NRG1: variants seen among roughly 807,000 people sequenced by gnomAD.
NRG1 encodes neuregulin 1.
In NRG1, 18 loss-of-function variants were observed where a neutral mutation model predicts 63.8. The ratio of observed to expected loss-of-function variants is 0.28; its 90% CI spans 0.19 to 0.42. NRG1 has a LOEUF of 0.42. NRG1 is among the 10% of genes least tolerant of loss of function. NRG1 has a pLI of 1.00. For synonymous variants in NRG1, 302 were observed against 301.3 expected (o/e 1.00, Z -0.02); for missense variants, 762 against 814.7 (o/e 0.94, Z 0.79).
chr8:32,388,190 A>G (rs1811261940), intron 1 of NRG1, among the ~76,000 whole-genome samples: 1 of 152,214 alleles, frequency 6.6e-6, no homozygotes, highest in South Asian at 2.1e-4. Context: ...ATTACCCCTT[A>G]TAGTAAGTTG....
At chr8:31,916,979 G>GT (rs1310061433) in intron 1 of NRG1, among the ~76,000 whole-genome samples, 3 of 151,916 alleles carry the variant, frequency 2.0e-5, no homozygotes, top group Non-Finnish European at 4.4e-5. Context: ...TTTTTCATGT[G>GT]TTTTTTGGCT....
intron 1 of NRG1, among the ~76,000 whole-genome samples, chr8:31,838,926 CTAGT>C (rs1825931681): frequency 6.6e-6 from 1 of 152,132 alleles, no homozygotes; most frequent in Non-Finnish European, 1.5e-5. Context: ...TCCTCCAGAA[CTAGT>C]TAAACTAGAG....
At chr8:32,042,171 A>G (rs561662411) in intron 1 of NRG1, among the ~76,000 whole-genome samples, 26 of 152,298 alleles carry the variant, frequency 1.7e-4, no homozygotes, top group African/African-American at 6.3e-4. Context: ...GAGACTGAGC[A>G]TGGTAGCTCA....
At chr8:31,770,792 T>C (rs1008905727) in intron 1 of NRG1, among the ~76,000 whole-genome samples, 2 of 145,848 alleles carry the variant, frequency 1.4e-5, no homozygotes, top group African/African-American at 5.0e-5. Flanking sequence ...TATATATATA[T>C]ATATACATAT....
At chr8:31,889,976 C>T (rs1272507922) in intron 1 of NRG1, among the ~76,000 whole-genome samples, 1 of 152,146 alleles carries the variant, frequency 6.6e-6, no homozygotes, top group Non-Finnish European at 1.5e-5. Flanking sequence ...AAAAGGGAAA[C>T]AGCCATGAGA....
At chr8:32,336,131 A>G (rs964928833) in intron 1 of NRG1, among the ~76,000 whole-genome samples, 19 of 152,258 alleles carry the variant, frequency 1.2e-4, no homozygotes, top group African/African-American at 4.3e-4. Flanking sequence ...CAACAAGCCT[A>G]TGAATGGGAT....
intron 1 of NRG1, among the ~76,000 whole-genome samples, chr8:32,346,734 A>T (rs1804948023): frequency 6.6e-6 from 1 of 152,058 alleles, no homozygotes; most frequent in South Asian, 2.1e-4. Flanking sequence ...TAGTTGGTAC[A>T]TATCTTTGGG....
At chr8:32,405,470 T>C (rs143314260) in intron 1 of NRG1, among the ~76,000 whole-genome samples, 1 of 152,220 alleles carries the variant, frequency 6.6e-6, no homozygotes, top group African/African-American at 2.4e-5. Flanking sequence ...ATATCTGTTA[T>C]ATACATAGAT....
intron 1 of NRG1, among the ~76,000 whole-genome samples, chr8:32,426,986 T>C (rs1378692621): frequency 6.6e-6 from 1 of 151,950 alleles, no homozygotes; most frequent in Non-Finnish European, 1.5e-5. Flanking sequence ...TATCCACTTG[T>C]CCTTTTTTTT....
chr8:32,241,930 T>G (rs1339715031), intron 1 of NRG1, among the ~76,000 whole-genome samples: 6 of 151,978 alleles, frequency 3.9e-5, no homozygotes, highest in Admixed American at 3.3e-4. Context: ...TTTTTAAAAT[T>G]TTTTGTAGAG....
chr8:31,778,743 C>T (rs1478399430), intron 1 of NRG1, among the ~76,000 whole-genome samples: 2 of 152,204 alleles, frequency 1.3e-5, no homozygotes, highest in African/African-American at 4.8e-5. Context: ...CACTGCTATG[C>T]TGAAGTGCAT....
chr8:32,541,914 CTA>C (rs754509635), intron 1 of NRG1, among the ~76,000 whole-genome samples: 3 of 152,112 alleles, frequency 2.0e-5, no homozygotes, highest in Non-Finnish European at 4.4e-5. Flanking sequence ...TGAAATGACT[CTA>C]TGGGGATTTA....
intron 1 of NRG1, among the ~76,000 whole-genome samples, chr8:31,921,001 A>G (rs1396090972): frequency 1.3e-5 from 2 of 152,186 alleles, no homozygotes; most frequent in African/African-American, 4.8e-5. Context: ...GCTTTTATAC[A>G]TAGTAAAAGC....
At chr8:32,490,029 C>T (rs1451926179) in intron 1 of NRG1, among the ~76,000 whole-genome samples, 1 of 152,194 alleles carries the variant, frequency 6.6e-6, no homozygotes, top group Admixed American at 6.5e-5. Context: ...ATTCTTGCAG[C>T]TGGATGTGGT....
Position 32,159,557 on chromosome 8 carries a change from A to G in NRG1, c.38-436271A>G, listed in dbSNP as rs559280536. 4.0e-5 allele frequency among the ~76,000 whole-genome samples: 6 copies of G among 151,788 alleles called. No individual in the cohort carries two copies. The South Asian group carries it at 1.2e-3, about 32-fold the overall frequency. ...CTCCGTCTCAAAAAAAAAAAAAAAA[A>G]AGAAAAAGGCTTTATGTGGCTGTTG... On this transcript the variant is annotated intron_variant, in intron 1 of 10. Coordinates refer to the NRG1 transcript ENST00000519301.
At chr8:32,437,301 G>GT (rs926350889) in intron 1 of NRG1, among the ~76,000 whole-genome samples, 15 of 151,552 alleles carry the variant, frequency 9.9e-5, no homozygotes, top group South Asian at 2.1e-4. Context: ...CTCCTTTAGT[G>GT]TTTTTTTTGT....
chr8:32,639,387 C>A (rs2129545425), intron 5 of NRG1, among the ~76,000 whole-genome samples: 1 of 152,190 alleles, frequency 6.6e-6, no homozygotes, highest in South Asian at 2.1e-4. Flanking sequence ...GCCTAAGCGA[C>A]AGAGCAAGAT....
chr8:32,587,473 T>A (rs553339685), intron 1 of NRG1, among the ~76,000 whole-genome samples: 2 of 152,306 alleles, frequency 1.3e-5, no homozygotes, highest in South Asian at 4.1e-4. Flanking sequence ...GATTTACATG[T>A]CATTTTTGTT....
intron 1 of NRG1, among the ~76,000 whole-genome samples, chr8:31,925,715 C>T (rs939889525): frequency 1.3e-5 from 2 of 150,820 alleles, no homozygotes; most frequent in African/African-American, 4.9e-5. Flanking sequence ...AATTAATCTT[C>T]TTCTTCTGTG....
Sources: allele counts gnomAD v4.1 joint callset (sites outside exome capture counted in the v4.1 genomes callset), GRCh38; gene constraint gnomAD v4.1.1; transcripts MANE v1.5; gene names NCBI Gene and HGNC (gene_info 2026-07-23, HGNC 2026-07-21).